The following MAGI2 variants were observed in gnomAD, a reference collection of about 807,000 sequenced individuals.
The protein encoded by MAGI2 is membrane-associated guanylate kinase, WW and PDZ domain-containing protein 2.
A neutral mutation model predicts 133.3 loss-of-function variants in MAGI2; 35 were observed. The observed-to-expected ratio is 0.26, with a 90% CI of 0.20 to 0.35. The LOEUF (loss-of-function observed/expected upper bound fraction) is 0.35. Among genes scored for constraint, MAGI2 ranks in the 10% least tolerant of loss-of-function variants. MAGI2 has a pLI of 1.00. For synonymous variants in MAGI2, 729 were observed against 710.6 expected, an observed-to-expected ratio of 1.03 and a Z score of -0.41; for missense variants, 1,636 against 1,863.4, an observed-to-expected ratio of 0.88 and a Z score of 2.25.
chr7:78,045,034 G>A (rs1811281176), intron 21 of MAGI2, among the ~76,000 whole-genome samples: 2 of 152,174 alleles, frequency 1.3e-5, no homozygotes, highest in South Asian at 2.1e-4. Flanking sequence ...GGGCGTGGTG[G>A]CACATGCCTG....
chr7:78,393,760 T>C lies in MAGI2; in HGVS notation c.1046-24547A>G, dbSNP rs144962831. Among the ~76,000 whole-genome samples, 75 of 152,270 alleles carry C rather than the reference T, an allele frequency of 4.9e-4. 1 individual carries two copies. In the East Asian group the frequency reaches 0.012, roughly 25 times the overall value. ...CATTGCTTTACTATTCTGTTTGCAGTAGTATGTGCACGACATTGCCTAAGG... is the reference window on the plus strand; with the variant it reads ...CATTGCTTTACTATTCTGTTTGCAGCAGTATGTGCACGACATTGCCTAAGG... On this transcript the variant is annotated intron_variant, in intron 6 of 21. Transcript: ENST00000354212.
At chr7:78,549,673 G>T (rs142523255) in intron 3 of MAGI2, among the ~76,000 whole-genome samples, 2 of 152,108 alleles carry the variant, frequency 1.3e-5, no homozygotes, top group African/African-American at 2.4e-5. Flanking sequence ...TCTTGTTACT[G>T]ATGTGACACA....
intron 1 of MAGI2, among the ~76,000 whole-genome samples, chr7:79,256,761 G>A (rs1009379868): frequency 4.6e-5 from 7 of 151,924 alleles, no homozygotes; most frequent in Admixed American, 4.6e-4. Flanking sequence ...AAAGTGTTGG[G>A]ATTACAGGCA....
intron 9 of MAGI2, among the ~76,000 whole-genome samples, chr7:78,304,875 A>G (rs1254099934): frequency 2.0e-5 from 3 of 152,176 alleles, no homozygotes; most frequent in Admixed American, 2.0e-4. Context: ...TGGAGGGAAC[A>G]AGTGCAAAGG....
chr7:78,357,354 T>C (rs1792187693), intron 7 of MAGI2, among the ~76,000 whole-genome samples: 1 of 152,208 alleles, frequency 6.6e-6, no homozygotes, highest in Non-Finnish European at 1.5e-5. Context: ...TAGCTATTAA[T>C]ATTTTTTTCT....
chr7:78,300,588 T>G lies in MAGI2; in HGVS notation c.1408+43190A>C, dbSNP rs1319590769. 3.9e-5 allele frequency among the ~76,000 whole-genome samples: 6 copies of G among 152,172 alleles called. No individual in the cohort carries two copies. The East Asian group carries it at 1.2e-3, about 29-fold the overall frequency. ...ATTCACAGATAGAAATCAATACCGA[T>G]TAAAGGCACTCAAAATGGGGAAGAA... On this transcript the variant is annotated intron_variant, in intron 9 of 21. Coordinates refer to ENST00000354212, the MANE Select transcript of MAGI2 (RefSeq NM_012301.4).
chr7:78,827,365 A>C (rs557429419), intron 2 of MAGI2, among the ~76,000 whole-genome samples: 3 of 152,212 alleles, frequency 2.0e-5, no homozygotes, highest in South Asian at 2.1e-4. Flanking sequence ...TGCAGCCTCA[A>C]ACTCCTGGAC....
intron 1 of MAGI2, among the ~76,000 whole-genome samples, chr7:79,268,613 A>G (rs1395278178): frequency 1.3e-5 from 2 of 152,226 alleles, no homozygotes; most frequent in African/African-American, 4.8e-5. Flanking sequence ...TTAAATAGAA[A>G]CCGCAGACTG....
intron 2 of MAGI2, among the ~76,000 whole-genome samples, chr7:78,956,456 C>G (rs981966892): frequency 1.3e-5 from 2 of 152,104 alleles, no homozygotes; most frequent in Non-Finnish European, 2.9e-5. Flanking sequence ...AAGTCAACTT[C>G]CAGTCTGGAG....
chr7:79,099,916 C>G (rs774980208), intron 1 of MAGI2, among the ~76,000 whole-genome samples: 89 of 152,162 alleles, frequency 5.8e-4, no homozygotes, highest in Non-Finnish European at 1.2e-3. Context: ...TTTAGCCAAA[C>G]AAAGAAAGAT....
chr7:78,070,530 A>G (rs1312466629), intron 21 of MAGI2, among the ~76,000 whole-genome samples: 4 of 123,368 alleles, frequency 3.2e-5, no homozygotes, highest in African/African-American at 1.2e-4. Flanking sequence ...ATATGTATAT[A>G]TGTGTACATA....
intron 6 of MAGI2, among the ~76,000 whole-genome samples, chr7:78,376,259 T>C (rs1055074084): frequency 6.6e-6 from 1 of 152,072 alleles, no homozygotes; most frequent in African/African-American, 2.4e-5. Flanking sequence ...AACCTAAAAC[T>C]GAATATAGAA....
chr7:79,448,796 G>A (rs767984768), intron 1 of MAGI2, among the ~76,000 whole-genome samples: 3 of 152,142 alleles, frequency 2.0e-5, no homozygotes, highest in Non-Finnish European at 4.4e-5. Context: ...GAAAAGGAAA[G>A]TGAGCATAAT....
intron 1 of MAGI2, among the ~76,000 whole-genome samples, chr7:79,201,643 T>C (rs1001949168): frequency 6.6e-6 from 1 of 151,984 alleles, no homozygotes; most frequent in Admixed American, 6.5e-5. Flanking sequence ...TTACAAGTTC[T>C]AAGAAGTTTG....
At chr7:79,196,667 G>C (rs1245911854) in intron 1 of MAGI2, among the ~76,000 whole-genome samples, 1 of 151,788 alleles carries the variant, frequency 6.6e-6, no homozygotes, top group African/African-American at 2.4e-5. Flanking sequence ...TTCTTATAAA[G>C]CTTTTGCCTT....
chr7:79,170,341 GT>G (rs1302313700), intron 1 of MAGI2, among the ~76,000 whole-genome samples: 43 of 150,830 alleles, frequency 2.9e-4, no homozygotes, highest in African/African-American at 1.0e-3. Flanking sequence ...CCTGGCTAAT[GT>G]TTTAAAAAAT....
chr7:79,344,941 T>G (rs1841197865), intron 1 of MAGI2, among the ~76,000 whole-genome samples: 1 of 152,120 alleles, frequency 6.6e-6, no homozygotes, highest in South Asian at 2.1e-4. Flanking sequence ...AAAACTTCCC[T>G]GTCTTTAATT....
intron 3 of MAGI2, among the ~76,000 whole-genome samples, chr7:78,539,190 T>C (rs1368304903): frequency 1.3e-5 from 2 of 152,354 alleles, no homozygotes; most frequent in East Asian, 1.9e-4. Flanking sequence ...ATGTCCCTTC[T>C]ATGTCAATTT....
chr7:78,791,225 AAG>A (rs1266007827), intron 2 of MAGI2, among the ~76,000 whole-genome samples: 8 of 152,300 alleles, frequency 5.3e-5, no homozygotes, highest in Non-Finnish European at 1.0e-4. Context: ...CAAAAAGAAA[AAG>A]AGAGAGAGAA....
Sources: gnomAD v4.1 joint callset for allele counts (sites outside exome capture counted in the v4.1 genomes callset) on GRCh38, gnomAD v4.1.1 for gene constraint, MANE v1.5 for transcripts, NCBI Gene and HGNC (gene_info 2026-07-23, HGNC 2026-07-21) for gene names.